The following RGSL1 variants were observed in gnomAD, a reference collection of about 807,000 sequenced individuals.
The protein encoded by RGSL1 is regulator of G protein signaling protein-like.
Under a neutral mutation model 124.7 loss-of-function variants are expected in RGSL1, and 97 were observed. The observed-to-expected ratio is 0.78, with a 90% CI of 0.66 to 0.92. The LOEUF is 0.92. RGSL1 is among the 40% of genes least tolerant of loss of function. RGSL1 has a pLI of 0.00. For synonymous variants in RGSL1, 424 were observed against 438.1 expected (o/e 0.97, Z 0.40); for missense variants, 1,233 against 1,288.4 (o/e 0.96, Z 0.66).
At chr1:182,538,566 A>C (rs1659694775) in intron 14 of RGSL1, among the ~76,000 whole-genome samples, 1 of 152,154 alleles carries the variant, frequency 6.6e-6, no homozygotes, top group Admixed American at 6.6e-5. Flanking sequence ...AACTGTAGCC[A>C]AGTTAGAATG....
chr1:182,450,446 T>C (rs1651721418), intron 1 of RGSL1: 3 of 539,178 alleles, frequency 5.6e-6, no homozygotes, highest in Non-Finnish European at 3.3e-6. Context: ...CCACCTCTCC[T>C]CCAGAGAGAA....
At chr1:182,553,042 T>A (rs1660662298) in intron 18 of RGSL1, among the ~76,000 whole-genome samples, 1 of 152,158 alleles carries the variant, frequency 6.6e-6, no homozygotes, top group African/African-American at 2.4e-5. Context: ...GTAGCTGGAA[T>A]TACAGGTGAA....
At chr1:182,463,257 G>T (rs1652996751) in intron 4 of RGSL1, among the ~76,000 whole-genome samples, 1 of 144,666 alleles carries the variant, frequency 6.9e-6, no homozygotes. Flanking sequence ...TCACGCCACT[G>T]CACTCCAGCC....
chr1:182,493,002 TG>T lies in RGSL1; in HGVS notation c.1718-19del. On this transcript the variant is annotated intron_variant, in intron 8 of 21. Coordinates refer to ENST00000294854, the MANE Select transcript of RGSL1 (RefSeq NM_001137669.2). ...ACTTTGGACAACTAAACTCTATCTC[TG>T]TTTTTCCTTACTTCACAGACATAAC... 6.8e-7 allele frequency: 1 copy of T among 1,476,230 alleles called. No homozygotes were observed. The highest frequency in any genetic ancestry group is 9.3e-7 in the Non-Finnish European group (1 of 1,078,280). 91.4% of individuals were successfully genotyped at this position (1,476,230 alleles called of 1,614,324 possible). A position where few individuals can be genotyped will look rare whatever the true frequency, so the allele number is the denominator to read the frequency against.
Position 182,473,720 on chromosome 1 carries a change from C to T in RGSL1, c.609C>T (p.Ala203=). Residue 203 remains alanine (A), a synonymous_variant, in exon 6 of 22, where the codon GCC becomes GCT. Coordinates refer to ENST00000294854, the MANE Select transcript of RGSL1 (RefSeq NM_001137669.2). ...NFYTHTKMTM[A]KEEACHGLMQ... ...ACACCCACACCAAGATGACCATGGC[C>T]AAGGAGGAAGCATGCCATGGTCTGA... is the stretch of plus-strand genomic sequence containing the variant. The T allele has an allele frequency of 6.4e-7, 1 of 1,551,686 alleles. No homozygotes were observed. The highest frequency in any genetic ancestry group is 2.4e-5 in the East Asian group (1 of 40,832).
rs1053591567 is a variant in RGSL1 at position 182,548,915 on chromosome 1, C to T, written c.2933+91C>T. On this transcript the variant is annotated intron_variant, in intron 17 of 21. Transcript: ENST00000294854. ...TCTGCCTTCCTCTAGCACTCTGTTT[C>T]GTAGTTTCCAGTTTCTAGGGGGAAC... 40 of 1,461,054 alleles carry T rather than the reference C, an allele frequency of 2.7e-5. No individual in the cohort carries two copies. In the Middle Eastern group the frequency reaches 8.9e-4, roughly 33 times the overall value. 90.5% of individuals were successfully genotyped at this position (1,461,054 alleles called of 1,614,324 possible). A position where few individuals can be genotyped will look rare whatever the true frequency, so the allele number is the denominator to read the frequency against.
intron 19 of RGSL1, among the ~76,000 whole-genome samples, chr1:182,554,059 G>T (rs569177848): frequency 5.2e-4 from 79 of 152,208 alleles, no homozygotes; most frequent in Non-Finnish European, 1.0e-3. Context: ...CCCATCTTCA[G>T]TCTCAAGGAG....
At chr1:182,547,204 C>T (rs997963865) in intron 15 of RGSL1, among the ~76,000 whole-genome samples, 4 of 152,188 alleles carry the variant, frequency 2.6e-5, no homozygotes, top group East Asian at 1.9e-4. Flanking sequence ...GCAGAAAAGA[C>T]ACAAACAAAA....
chr1:182,465,300 T>A (rs1260510832), intron 4 of RGSL1, among the ~76,000 whole-genome samples: 1 of 152,080 alleles, frequency 6.6e-6, no homozygotes, highest in Non-Finnish European at 1.5e-5. Flanking sequence ...AAGGATGAGT[T>A]CATGTATTTG....
intron 6 of RGSL1, among the ~76,000 whole-genome samples, chr1:182,480,683 C>T (rs952754838): frequency 5.3e-5 from 8 of 151,946 alleles, no homozygotes; most frequent in South Asian, 2.1e-4. Flanking sequence ...CTCAAACTCC[C>T]GACCTCAGGC....
intron 4 of RGSL1, among the ~76,000 whole-genome samples, chr1:182,461,176 GGCATTCAAAAACAACT>G (rs1399477842): frequency 6.6e-6 from 1 of 151,344 alleles, no homozygotes; most frequent in African/African-American, 2.4e-5. Context: ...TAAGGATTAG[GGCATTCAAAAACAACT>G]GCATATATGG....
At chr1:182,520,739 T>A (rs1658273389) in intron 9 of RGSL1, among the ~76,000 whole-genome samples, 1 of 152,226 alleles carries the variant, frequency 6.6e-6, no homozygotes. Flanking sequence ...TCTTCCATAG[T>A]CTAGATTTTC....
chr1:182,541,150 C>A (rs1165119206), intron 15 of RGSL1, among the ~76,000 whole-genome samples: 1 of 152,102 alleles, frequency 6.6e-6, no homozygotes, highest in African/African-American at 2.4e-5. Context: ...TGATTATTAA[C>A]TGTAGACACC....
In RGSL1 at chr1:182,494,881, C is replaced by T. The variant is rs183982948; in HGVS notation, c.1825+1752C>T. Among the ~76,000 whole-genome samples, 484 of 152,290 alleles carry T rather than the reference C, an allele frequency of 3.2e-3. 2 individuals are homozygous for T. Among genetic ancestry groups the T allele is most frequent in the Non-Finnish European group, 4.5e-3 (308 of 68,026 alleles). ...AAATAGAACTAGTAGATCTCATCTT[C>T]GTGGGACCCATTGGCCATTGCCACA... On this transcript the variant is annotated intron_variant, in intron 9 of 21. Transcript: ENST00000294854.
At position 182,451,143 on chromosome 1, in the gene RGSL1, C is replaced by CAAA. The variant is rs569488586; in HGVS notation, c.13+982_13+984dup. ...CCTGGGTGACGGAGTGAGACTTTGG[C>CAAA]AAAAAAAAAAAAAAAAAAAGATTGA... On this transcript the variant is annotated intron_variant, in intron 1 of 21. Coordinates refer to ENST00000294854, the MANE Select transcript of RGSL1 (RefSeq NM_001137669.2). Among the ~76,000 whole-genome samples the CAAA allele has an allele frequency of 2.3e-3, 242 of 105,028 alleles. 6 individuals carry two copies. The highest frequency in any genetic ancestry group is 8.1e-3 in the African/African-American group (228 of 28,030). 68.9% of individuals were successfully genotyped at this position (105,028 alleles called of 152,430 possible).
At chr1:182,451,397 T>C (rs1247966750) in intron 1 of RGSL1, among the ~76,000 whole-genome samples, 1 of 152,154 alleles carries the variant, frequency 6.6e-6, no homozygotes, top group African/African-American at 2.4e-5. Context: ...AATTCTACCA[T>C]TGCAGTAGAT....
intron 5 of RGSL1, among the ~76,000 whole-genome samples, chr1:182,473,345 T>C (rs975673091): frequency 6.6e-6 from 1 of 152,188 alleles, no homozygotes; most frequent in African/African-American, 2.4e-5. Context: ...AGGAATCCCA[T>C]AGCATGGCTT....
At position 182,527,704 on chromosome 1, in the gene RGSL1, A is replaced by G. The variant is rs1053236609; in HGVS notation, c.2057A>G (p.Asn686Ser). ...GTACAGAAGATCAGTATAGAGACCA[A>G]TGAAAAGATTTGCAAGTCTCTCATA... ...TAVQKISIET[N>S]EKICKSLIEN... The change falls in exon 11 of 22, where the codon AAT (asparagine) becomes AGT (serine). Residue 686 changes from asparagine to serine, a missense_variant. Physicochemically the swap from Asn to Ser is conservative, Grantham distance 46. Transcript: ENST00000294854. 7 of 1,551,302 alleles carry G rather than the reference A, an allele frequency of 4.5e-6. No homozygotes were observed. The highest frequency in any genetic ancestry group is 4.9e-5 in the East Asian group (2 of 40,892).
chr1:182,459,295 C>A (rs1411012229), intron 3 of RGSL1, among the ~76,000 whole-genome samples: 4 of 151,856 alleles, frequency 2.6e-5, no homozygotes, highest in African/African-American at 4.8e-5. Flanking sequence ...TCCTGTTTTC[C>A]TTTTCCACTA....
Sources: gnomAD v4.1 joint callset for allele counts (sites outside exome capture counted in the v4.1 genomes callset) on GRCh38, gnomAD v4.1.1 for gene constraint, MANE v1.5 for transcripts, NCBI Gene and HGNC (gene_info 2026-07-23, HGNC 2026-07-21) for gene names.